Variants in ATP9B observed in about 807,000 individuals in gnomAD.
ATP9B encodes ATPase phospholipid transporting 9B.
A neutral mutation model predicts 146.1 loss-of-function variants in ATP9B; 110 were observed. That is an observed-to-expected ratio of 0.75 (90% confidence interval 0.65 to 0.88). The LOEUF is 0.88. Ranked by LOEUF, ATP9B falls within the 40% of genes least tolerant of loss-of-function variation. The pLI, the probability that ATP9B is intolerant of heterozygous loss-of-function variation, is 0.00. For missense variants in ATP9B, 1,499 were observed against 1,496.4 expected, an observed-to-expected ratio of 1.00 and a Z score of -0.03; for synonymous variants, 604 against 569.7, an observed-to-expected ratio of 1.06 and a Z score of -0.86.
intron 15 of ATP9B, among the ~76,000 whole-genome samples, chr18:79,312,961 C>G (rs1250271903): frequency 6.6e-6 from 1 of 152,186 alleles, no homozygotes; most frequent in African/African-American, 2.4e-5. Flanking sequence ...ATGTCGTCAT[C>G]GTATAGAGTT....
At chr18:79,138,119 A>G (rs1005625489) in intron 5 of ATP9B, among the ~76,000 whole-genome samples, 7 of 152,202 alleles carry the variant, frequency 4.6e-5, no homozygotes, top group African/African-American at 1.7e-4. Context: ...TAGTAATGCC[A>G]TCTACATCAT....
At chr18:79,330,553 C>G (rs890483111) in intron 17 of ATP9B, among the ~76,000 whole-genome samples, 5 of 152,092 alleles carry the variant, frequency 3.3e-5, no homozygotes, top group African/African-American at 1.2e-4. Flanking sequence ...GCTGGGACTA[C>G]AGGCACCCGC....
chr18:79,085,349 T>G (rs932044733), intron 1 of ATP9B: 1 of 152,186 alleles, frequency 6.6e-6, no homozygotes, highest in African/African-American at 2.4e-5. Flanking sequence ...GGGACACACA[T>G]CCAAACCATA....
intron 4 of ATP9B, among the ~76,000 whole-genome samples, chr18:79,116,952 A>T (rs918272609): frequency 7.0e-6 from 1 of 143,682 alleles, no homozygotes; most frequent in Non-Finnish European, 1.5e-5. Context: ...AAAAAAAAAA[A>T]AAAAGAAATA....
intron 13 of ATP9B, among the ~76,000 whole-genome samples, chr18:79,294,990 G>A (rs2096536935): frequency 6.6e-6 from 1 of 152,152 alleles, no homozygotes; most frequent in Admixed American, 6.5e-5. Flanking sequence ...TCAGTTCCTT[G>A]CATTTAATAT....
rs530316006 is a variant in ATP9B at position 79,108,656 on chromosome 18, G to A, written c.294-1699G>A. Among the ~76,000 whole-genome samples the A allele has an allele frequency of 1.7e-3, 262 of 152,282 alleles. 2 individuals carry two copies. The highest frequency in any genetic ancestry group is 6.0e-3 in the African/African-American group (248 of 41,564). On this transcript the variant is annotated intron_variant, in intron 2 of 29. Transcript: ENST00000426216. Reference sequence around the variant, plus strand: ...GTGGCAGAGCATCAGCCCCGTGAGCGAGCACTGCTTAAGGGAGCAGTGCTT... The same window carrying A: ...GTGGCAGAGCATCAGCCCCGTGAGCAAGCACTGCTTAAGGGAGCAGTGCTT...
intron 7 of ATP9B, among the ~76,000 whole-genome samples, chr18:79,157,441 G>GTTTTGGTT (rs2147690256): frequency 7.1e-6 from 1 of 140,306 alleles, no homozygotes; most frequent in South Asian, 2.3e-4. Context: ...TTGACTTATA[G>GTTTTGGTT]TTTTGGTTTT....
In ATP9B at chr18:79,182,558, C is replaced by T. The variant is rs375854256; in HGVS notation, c.873+5651C>T. ...ATGTGGGGCACATGGCTTTGTTTCT[C>T]CTCTCCCTGGGGCACTGTATCTAGT... is the stretch of plus-strand genomic sequence containing the variant. On this transcript the variant is annotated intron_variant, in intron 8 of 29. Coordinates refer to ENST00000426216, the MANE Select transcript of ATP9B (RefSeq NM_198531.5). 3.3e-5 allele frequency among the ~76,000 whole-genome samples: 5 copies of T among 152,032 alleles called. No homozygotes were observed. The South Asian group carries it at 8.3e-4, about 25-fold the overall frequency.
At chr18:79,096,930 G>A (rs1016598875) in intron 2 of ATP9B, among the ~76,000 whole-genome samples, 21 of 152,128 alleles carry the variant, frequency 1.4e-4, no homozygotes, top group Admixed American at 9.8e-4. Context: ...GCTAAGGCGG[G>A]CAGATCACTT....
intron 21 of ATP9B, 53 bp downstream of exon 21, chr18:79,344,407 C>A (rs2096874910): frequency 1.3e-6 from 2 of 1,532,622 alleles, no homozygotes; most frequent in East Asian, 4.5e-5. Context: ...TGAGGCAAGG[C>A]TGGTCCCTGG....
chr18:79,070,400 G>A (rs183572948), intron 1 of ATP9B, among the ~76,000 whole-genome samples: 1 of 152,140 alleles, frequency 6.6e-6, no homozygotes, highest in South Asian at 2.1e-4. Flanking sequence ...ACCCACTAGC[G>A]ATTTACTCTC....
intron 25 of ATP9B, 109 bp from the exon 26 acceptor site, chr18:79,359,245 G>A (rs2096972553): frequency 9.3e-6 from 7 of 751,074 alleles, no homozygotes; most frequent in Non-Finnish European, 1.3e-5. Context: ...TGGTTTTTGT[G>A]GAGTATTTTT....
chr18:79,267,542 A>C (rs2096215470), intron 12 of ATP9B, among the ~76,000 whole-genome samples: 1 of 151,974 alleles, frequency 6.6e-6, no homozygotes, highest in Non-Finnish European at 1.5e-5. Flanking sequence ...AAAAGTTTTC[A>C]TATGTAGTAT....
intron 9 of ATP9B, among the ~76,000 whole-genome samples, chr18:79,198,085 A>AT (rs1191029134): frequency 6.6e-6 from 1 of 152,190 alleles, no homozygotes; most frequent in Non-Finnish European, 1.5e-5. Context: ...GTCTTAGTAT[A>AT]TTTTTTTAAA....
At chr18:79,299,670 A>G (rs1416145130) in intron 13 of ATP9B, among the ~76,000 whole-genome samples, 1 of 152,210 alleles carries the variant, frequency 6.6e-6, no homozygotes, top group South Asian at 2.1e-4. Flanking sequence ...TCCATGCAAC[A>G]TATGAGATGT....
At chr18:79,283,916 G>A (rs2096406037) in intron 13 of ATP9B, among the ~76,000 whole-genome samples, 1 of 152,184 alleles carries the variant, frequency 6.6e-6, no homozygotes, top group Non-Finnish European at 1.5e-5. Flanking sequence ...AACTCAGGGT[G>A]CAGCCTATTA....
Position 79,310,995 on chromosome 18 carries a change from A to G in ATP9B, c.1773+3761A>G, listed in dbSNP as rs186200468. ...GCGAAACCCCGTCTCTACCAAAAAT[A>G]TAAAAAATTAGCCAGGTGTGGTGGC... is the stretch of plus-strand genomic sequence containing the variant. On this transcript the variant is annotated intron_variant, in intron 15 of 29. Coordinates refer to ENST00000426216, the MANE Select transcript of ATP9B (RefSeq NM_198531.5). Among the ~76,000 whole-genome samples the G allele has an allele frequency of 3.4e-3, 512 of 152,204 alleles. 3 individuals are homozygous for G. The highest frequency in any genetic ancestry group is 0.012 in the African/African-American group (488 of 41,530).
intron 8 of ATP9B, among the ~76,000 whole-genome samples, chr18:79,186,813 T>C (rs1267088820): frequency 6.6e-6 from 1 of 152,246 alleles, no homozygotes; most frequent in East Asian, 1.9e-4. Flanking sequence ...CTCTGTTCTT[T>C]AGAAATTTGG....
intron 7 of ATP9B, among the ~76,000 whole-genome samples, chr18:79,168,259 A>C (rs1258714217): frequency 6.6e-6 from 1 of 152,208 alleles, no homozygotes; most frequent in Non-Finnish European, 1.5e-5. Flanking sequence ...GAGTCTGAGC[A>C]GGGGGTCCGT....
Sources: gnomAD v4.1 joint callset for allele counts (sites outside exome capture counted in the v4.1 genomes callset) on GRCh38, gnomAD v4.1.1 for gene constraint, MANE v1.5 for transcripts, NCBI Gene and HGNC (gene_info 2026-07-23, HGNC 2026-07-21) for gene names.